Variants in ACTR3C observed in about 807,000 individuals in gnomAD.
ACTR3C encodes actin related protein 3C.
In ACTR3C, 18 loss-of-function variants were observed where a neutral mutation model predicts 26.3. The observed-to-expected ratio is 0.68, with a 90% CI of 0.47 to 1.01. ACTR3C has a LOEUF of 1.01. Ranked by LOEUF, ACTR3C falls within the 50% of genes least tolerant of loss-of-function variation. The probability of loss-of-function intolerance (pLI) is 0.00; values close to 1 mark genes in which losing one functional copy is unlikely to be tolerated. For missense variants in ACTR3C, 184 were observed against 250.7 expected (o/e 0.73, Z 1.80); for synonymous variants, 55 against 94.5 (o/e 0.58, Z 2.42).
the ACTR3C span, among the ~76,000 whole-genome samples, chr7:150,192,459 G>A: frequency 6.6e-6 from 1 of 152,022 alleles, no homozygotes; most frequent in Non-Finnish European, 1.5e-5. Context: ...ATATCACCAC[G>A]TCCAGTTAAC....
At chr7:150,076,391 T>C in the ACTR3C span, among the ~76,000 whole-genome samples, 2 of 152,174 alleles carry the variant, frequency 1.3e-5, no homozygotes, top group Non-Finnish European at 2.9e-5. Flanking sequence ...CATATAAATA[T>C]ATCTACTGAT....
At chr7:149,947,709 G>A in the ACTR3C span, among the ~76,000 whole-genome samples, 5 of 138,664 alleles carry the variant, frequency 3.6e-5, no homozygotes, top group Non-Finnish European at 6.0e-5. Context: ...TGGAGCCTGT[G>A]TTCCTTCACT....
the ACTR3C span, among the ~76,000 whole-genome samples, chr7:149,901,692 T>G: frequency 6.6e-6 from 1 of 151,966 alleles, no homozygotes; most frequent in African/African-American, 2.4e-5. Flanking sequence ...GGCAGGTGGA[T>G]AGCTTGAGGC....
chr7:150,005,965 T>C, the ACTR3C span, among the ~76,000 whole-genome samples: 1 of 152,230 alleles, frequency 6.6e-6, no homozygotes, highest in Admixed American at 6.5e-5. Context: ...CAGAAAGCCA[T>C]AGACCGCTCA....
At chr7:150,079,506 G>A in the ACTR3C span, among the ~76,000 whole-genome samples, 8 of 152,138 alleles carry the variant, frequency 5.3e-5, no homozygotes, top group South Asian at 2.1e-4. Context: ...CATTGGCACC[G>A]CTGATGACGG....
At chr7:150,235,106 T>A in the ACTR3C span, among the ~76,000 whole-genome samples, 18 of 152,224 alleles carry the variant, frequency 1.2e-4, no homozygotes, top group Admixed American at 1.2e-3. Context: ...ATCAGCCTAC[T>A]ATAACTCCCA....
the ACTR3C span, among the ~76,000 whole-genome samples, chr7:149,935,602 A>G: frequency 7.0e-6 from 1 of 142,896 alleles, no homozygotes; most frequent in Non-Finnish European, 1.5e-5. Flanking sequence ...GGGTTTCACC[A>G]TGTTGGCCAG....
At chr7:150,239,070 G>C (rs1456126357), downstream of ACTR3C, among the ~76,000 whole-genome samples, 3 of 151,828 alleles carry the variant, frequency 2.0e-5, no homozygotes, top group Admixed American at 1.3e-4. Flanking sequence ...CACCATCGCT[G>C]TATGTCCCTT....
chr7:150,059,676 C>A, the ACTR3C span, among the ~76,000 whole-genome samples: 1 of 152,164 alleles, frequency 6.6e-6, no homozygotes, highest in African/African-American at 2.4e-5. Flanking sequence ...TTATGTTTAT[C>A]TGCACTTTAT....
chr7:150,188,517 T>C, the ACTR3C span, among the ~76,000 whole-genome samples: 1 of 151,618 alleles, frequency 6.6e-6, no homozygotes, highest in African/African-American at 2.4e-5. Context: ...TGTCTAACTT[T>C]ACAAGAAACT....
At chr7:150,307,681 T>G (rs778912815) in intron 1 of ACTR3C, among the ~76,000 whole-genome samples, 9 of 152,322 alleles carry the variant, frequency 5.9e-5, no homozygotes, top group Non-Finnish European at 1.3e-4. Flanking sequence ...TTAGGTGGTC[T>G]CTTCACACAG....
At chr7:150,189,311 G>A in the ACTR3C span, among the ~76,000 whole-genome samples, 3 of 152,178 alleles carry the variant, frequency 2.0e-5, no homozygotes, top group Admixed American at 6.6e-5. Flanking sequence ...TGCCCCACAT[G>A]TTGTGTGGTT....
the ACTR3C span, among the ~76,000 whole-genome samples, chr7:149,989,922 C>T: frequency 1.1e-4 from 17 of 152,132 alleles, no homozygotes; most frequent in African/African-American, 3.9e-4. Flanking sequence ...TCCCTTCTCT[C>T]CACATCCTCG....
chr7:150,125,564 AT>A, the ACTR3C span, among the ~76,000 whole-genome samples: 1,020 of 142,452 alleles, frequency 7.2e-3, 7 homozygotes, highest in African/African-American at 0.02. Flanking sequence ...AAGTGAAATA[AT>A]TTTTTTTTTA....
intron 7 of ACTR3C, chr7:150,247,981 T>C (rs1383436695): frequency 6.6e-6 from 1 of 152,302 alleles, no homozygotes; most frequent in African/African-American, 2.4e-5. Flanking sequence ...GAACCTCTTT[T>C]CTTTAAAAAT....
At chr7:150,126,129 G>A in the ACTR3C span, among the ~76,000 whole-genome samples, 1 of 152,246 alleles carries the variant, frequency 6.6e-6, no homozygotes, top group East Asian at 1.9e-4. Flanking sequence ...GATTGTTCAA[G>A]CACTTTGCAA....
intron 6 of ACTR3C, among the ~76,000 whole-genome samples, chr7:150,277,417 TTTCTGCTGG>T (rs1459920185): frequency 6.6e-6 from 1 of 152,214 alleles, no homozygotes; most frequent in Non-Finnish European, 1.5e-5. Context: ...AAGCCTGACC[TTTCTGCTGG>T]TTCAGGCTAA....
At chr7:149,894,400 C>T in the ACTR3C span, among the ~76,000 whole-genome samples, 1 of 152,090 alleles carries the variant, frequency 6.6e-6, no homozygotes, top group Non-Finnish European at 1.5e-5. Context: ...GGAATTACAT[C>T]AAACTAAAAG....
chr7:149,987,182 G>A, the ACTR3C span, among the ~76,000 whole-genome samples: 1 of 11,926 alleles, frequency 8.4e-5, no homozygotes, highest in Non-Finnish European at 4.8e-4. Context: ...GGAGAATTAT[G>A]TCCTACCAGA....
Sources: gnomAD v4.1 joint callset for allele counts (sites outside exome capture counted in the v4.1 genomes callset) on GRCh38, gnomAD v4.1.1 for gene constraint, MANE v1.5 for transcripts, NCBI Gene and HGNC (gene_info 2026-07-23, HGNC 2026-07-21) for gene names.